The following AAK1 variants were observed in gnomAD, a reference collection of about 807,000 sequenced individuals.
The protein encoded by AAK1 is AP2-associated protein kinase 1.
In AAK1, 37 loss-of-function variants were observed where a neutral mutation model predicts 116.0. The observed-to-expected ratio is 0.32, with a 90% CI of 0.25 to 0.42. The LOEUF (loss-of-function observed/expected upper bound fraction) is 0.42. AAK1 is among the 10% of genes least tolerant of loss of function. The pLI, the probability that AAK1 is intolerant of heterozygous loss-of-function variation, is 1.00. For missense variants in AAK1, 919 were observed against 1,170.6 expected, an observed-to-expected ratio of 0.79 and a Z score of 3.14; for synonymous variants, 458 against 439.9, an observed-to-expected ratio of 1.04 and a Z score of -0.51.
chr2:69,469,096 GGAAAAGTACATTTAAAGGGTTGTC>G lies in AAK1; in HGVS notation c.*6749_*6772del. On this transcript the variant is annotated 3_prime_UTR_variant, in exon 22 of 22. Coordinates refer to ENST00000409085, the MANE Select transcript of AAK1 (RefSeq NM_014911.5). ...CAGCATCAACAGGCTTTGTAGGAATGGAAAAGTACATTTAAAGGGTTGTCCTGAGAAGGCCAAGTCCCTTAACCT... is the reference window on the plus strand; with the variant it reads ...CAGCATCAACAGGCTTTGTAGGAATGCTGAGAAGGCCAAGTCCCTTAACCT... 1.0e-6 allele frequency: 1 copy of G among 985,442 alleles called. No individual in the cohort carries two copies. The highest frequency in any genetic ancestry group is 4.7e-5 in the South Asian group (1 of 21,286). 61.0% of individuals were successfully genotyped at this position (985,442 alleles called of 1,614,324 possible).
chr2:69,642,336 T>C (rs951891896), intron 2 of AAK1, among the ~76,000 whole-genome samples: 3 of 152,194 alleles, frequency 2.0e-5, no homozygotes, highest in Non-Finnish European at 4.4e-5. Context: ...TGATTACAGT[T>C]GGGTCAGGAA....
intron 4 of AAK1, among the ~76,000 whole-genome samples, chr2:69,543,195 C>A (rs1558948529): frequency 6.6e-6 from 1 of 152,182 alleles, no homozygotes; most frequent in Non-Finnish European, 1.5e-5. Context: ...AGATTGATGA[C>A]CTCACTTACA....
At chr2:69,598,888 CT>C in intron 2 of AAK1, 13 of 301,220 alleles carry the variant, frequency 4.3e-5, no homozygotes, top group Middle Eastern at 4.3e-4. Flanking sequence ...CAGCCCATGG[CT>C]TTTTTTACAA....
intron 2 of AAK1, among the ~76,000 whole-genome samples, chr2:69,603,277 T>C (rs1673657889): frequency 6.6e-6 from 1 of 152,156 alleles, no homozygotes. Context: ...GTGGGTAGAA[T>C]AGAGTTTCCT....
At chr2:69,479,909 C>T (rs1400695318) in intron 19 of AAK1, among the ~76,000 whole-genome samples, 1 of 152,102 alleles carries the variant, frequency 6.6e-6, no homozygotes, top group Non-Finnish European at 1.5e-5. Flanking sequence ...GCATGCGCTA[C>T]CACAACCGGC....
At position 69,514,637 on chromosome 2, in the gene AAK1, T is replaced by C. The variant is rs1332775094; in HGVS notation, c.1610A>G (p.Gln537Arg). ...TTGCTGTTGCTGTTGTTGTTGCTGC[T>C]GCTGCTGCTGCTGGTAGAAATTCTG... is the stretch of plus-strand genomic sequence containing the variant. Reference protein sequence around the residue: ...LMQNFYQQQQQQQQQQQQQQL... With the variant: ...LMQNFYQQQQRQQQQQQQQQL... Residue 537 changes from glutamine to arginine, a missense_variant, in exon 13 of 22, where the codon CAG becomes CGG. Gln to Arg is a conservative substitution (Grantham distance 43, BLOSUM62 1). Coordinates refer to ENST00000409085, the MANE Select transcript of AAK1 (RefSeq NM_014911.5). The C allele has an allele frequency of 4.3e-6, 7 of 1,610,038 alleles. No homozygotes were observed. Among genetic ancestry groups the C allele is most frequent in the Non-Finnish European group, 5.9e-6 (7 of 1,178,358 alleles).
In AAK1 at chr2:69,498,284, G is replaced by A. The variant is rs1453163943; in HGVS notation, c.2270-2204C>T. On this transcript the variant is annotated intron_variant, in intron 16 of 21. Coordinates refer to ENST00000409085, the MANE Select transcript of AAK1 (RefSeq NM_014911.5). The stretch of plus-strand genomic sequence containing the variant: ...GGAGGAGTCAAAGTGCTGAGCATGT[G>A]TGGGCATCACTGGCAGCATCTCTGT... Among the ~76,000 whole-genome samples the A allele has an allele frequency of 2.0e-5, 3 of 152,140 alleles. 1 individual carries two copies. The highest frequency in any genetic ancestry group is 1.3e-4 in the Admixed American group (2 of 15,276).
At position 69,476,953 on chromosome 2, in the gene AAK1, G is replaced by A; in HGVS notation, c.2718C>T (p.Val906=). The part of the protein sequence containing the change: ...EDSNLISGFD[V]PEGSDKVAED... Reference sequence around the variant, plus strand: ...CAGCCACCTTGTCCGAGCCCTCAGGGACATCAAAACCTGAGATGAGATTAC... The same window carrying A: ...CAGCCACCTTGTCCGAGCCCTCAGGAACATCAAAACCTGAGATGAGATTAC... The change falls in exon 21 of 22, where the codon GTC becomes GTT. Residue 906 remains valine (V), a synonymous_variant. Transcript: ENST00000409085. 1 of 1,613,344 alleles carries A rather than the reference G, an allele frequency of 6.2e-7. No individual in the cohort carries two copies. The highest frequency in any genetic ancestry group is 1.1e-5 in the South Asian group (1 of 90,952).
chr2:69,494,565 C>T (rs1238576739), intron 17 of AAK1, among the ~76,000 whole-genome samples: 3 of 152,184 alleles, frequency 2.0e-5, no homozygotes, highest in African/African-American at 4.8e-5. Context: ...ACCTCTTTCC[C>T]TTGTCTGATC....
At chr2:69,509,634 T>C in intron 13 of AAK1, 174 bp from the exon 14 acceptor site, 1 of 617,716 alleles carries the variant, frequency 1.6e-6, no homozygotes, top group Admixed American at 3.0e-5. Flanking sequence ...GCTTTGACAA[T>C]CTGTGCTGCA....
intron 2 of AAK1, among the ~76,000 whole-genome samples, chr2:69,622,565 C>T (rs1445037336): frequency 1.3e-5 from 2 of 152,196 alleles, no homozygotes; most frequent in East Asian, 1.9e-4. Flanking sequence ...GTACACCAAT[C>T]GACACTCTGT....
rs148949749 is a variant in AAK1, at chr2:69,555,211, A to T, written c.282+1649T>A. On this transcript the variant is annotated intron_variant, in intron 3 of 21. Coordinates refer to ENST00000409085, the MANE Select transcript of AAK1 (RefSeq NM_014911.5). ...GTGTGTGAAGGAAGATACAGCAAGA[A>T]CAGGAATCTGGAGCTATGTGCAGGG... 6.2e-4 allele frequency among the ~76,000 whole-genome samples: 95 copies of T among 152,370 alleles called. 4 individuals carry two copies. The East Asian group carries it at 0.013, about 20-fold the overall frequency.
chr2:69,643,002 G>A lies in AAK1; in HGVS notation c.39C>T (p.Gly13=), dbSNP rs201503786. 9.9e-6 allele frequency: 16 copies of A among 1,611,204 alleles called. No individual in the cohort carries two copies. The highest frequency in any genetic ancestry group is 1.4e-5 in the Non-Finnish European group (16 of 1,178,908). ...KFFDSRREQG[G]SGLGSGSSGG... ...CGCTGGAGCCGGAGCCCAGGCCAGA[G>A]CCGCCCTGCTCTCGCCGGGAGTCGA... The change falls in exon 2 of 22, where the codon GGC becomes GGT. Residue 13 remains glycine, a synonymous_variant. Transcript: ENST00000409085.
At position 69,466,469 on chromosome 2, in the gene AAK1, C is replaced by T. The variant is rs985834487; in HGVS notation, c.*9400G>A. ...CAGGTACTCTGGAGGGGTCTGGATA[C>T]AGCGGAAGGCCTTTAACACCCAGTG... On this transcript the variant is annotated 3_prime_UTR_variant, in exon 22 of 22. Coordinates refer to ENST00000409085, the MANE Select transcript of AAK1 (RefSeq NM_014911.5). 1.1e-5 allele frequency: 14 copies of T among 1,278,992 alleles called. No individual in the cohort carries two copies. The highest frequency in any genetic ancestry group is 1.1e-4 in the African/African-American group (7 of 65,526). 79.2% of individuals were successfully genotyped at this position (1,278,992 alleles called of 1,614,324 possible).
chr2:69,489,037 C>T (rs899800048), intron 17 of AAK1, among the ~76,000 whole-genome samples: 4 of 149,914 alleles, frequency 2.7e-5, no homozygotes, highest in East Asian at 2.0e-4. Flanking sequence ...GAAAAAATGG[C>T]GTCCCTGTAT....
chr2:69,619,666 G>A (rs1350340965), intron 2 of AAK1, among the ~76,000 whole-genome samples: 1 of 152,144 alleles, frequency 6.6e-6, no homozygotes, highest in Non-Finnish European at 1.5e-5. Flanking sequence ...AATTTTAATG[G>A]AATGGTCAGG....
intron 2 of AAK1, among the ~76,000 whole-genome samples, chr2:69,575,979 C>A (rs1672300375): frequency 6.6e-6 from 1 of 152,196 alleles, no homozygotes; most frequent in Non-Finnish European, 1.5e-5. Flanking sequence ...AATGTTTTCA[C>A]CCTTCCATCA....
At chr2:69,532,303 A>G (rs1670292436) in intron 5 of AAK1, 141 bp from the exon 6 acceptor site, 3 of 1,015,062 alleles carry the variant, frequency 3.0e-6, no homozygotes, top group Non-Finnish European at 4.3e-6. Context: ...CTCTCCAAGT[A>G]TCTCAACAGG....
intron 2 of AAK1, among the ~76,000 whole-genome samples, chr2:69,604,570 T>C (rs1673716391): frequency 6.6e-6 from 1 of 152,128 alleles, no homozygotes; most frequent in Admixed American, 6.5e-5. Flanking sequence ...AGTCATCACC[T>C]CTATTCTGAA....
Sources: allele counts gnomAD v4.1 joint callset (sites outside exome capture counted in the v4.1 genomes callset), GRCh38; gene constraint gnomAD v4.1.1; transcripts MANE v1.5; gene names NCBI Gene and HGNC (gene_info 2026-07-23, HGNC 2026-07-21).